Variants in NVL observed in about 807,000 individuals in gnomAD.
The protein encoded by NVL is nuclear valosin-containing protein-like.
NVL carries 84 observed loss-of-function variants against 110.2 expected under a neutral mutation model. The observed-to-expected ratio is 0.76, with a 90% CI of 0.64 to 0.91. The LOEUF (loss-of-function observed/expected upper bound fraction) is 0.91, where lower values mean the gene tolerates loss of function less well. Ranked by LOEUF, NVL falls within the 40% of genes least tolerant of loss-of-function variation. NVL has a pLI of 0.00. For missense variants in NVL, 882 were observed against 1,035.9 expected, an observed-to-expected ratio of 0.85 and a Z score of 2.04; for synonymous variants, 354 against 361.1, an observed-to-expected ratio of 0.98 and a Z score of 0.22.
Position 224,275,327 on chromosome 1 carries a change from C to T in NVL, c.2082+12G>A. Reference sequence around the variant, plus strand: ...TAAAAGAATCTGAAAACCACTAGTCCATGATACTTACCTCTCGGTCTGATC... The same window carrying T: ...TAAAAGAATCTGAAAACCACTAGTCTATGATACTTACCTCTCGGTCTGATC... On this transcript the variant is annotated intron_variant, in intron 17 of 22. Coordinates refer to ENST00000281701, the MANE Select transcript of NVL (RefSeq NM_002533.4). 2.5e-6 allele frequency: 4 copies of T among 1,614,048 alleles called. No individual in the cohort carries two copies. The highest frequency in any genetic ancestry group is 3.4e-6 in the Non-Finnish European group (4 of 1,179,978).
At chr1:224,231,858 C>G (rs1387628765) in intron 21 of NVL, among the ~76,000 whole-genome samples, 1 of 151,086 alleles carries the variant, frequency 6.6e-6, no homozygotes, top group Non-Finnish European at 1.5e-5. Context: ...AATCCCGTCT[C>G]TACTAAAAAT....
At chr1:224,290,670 C>T (rs1466222123) in intron 12 of NVL, among the ~76,000 whole-genome samples, 2 of 151,994 alleles carry the variant, frequency 1.3e-5, no homozygotes, top group East Asian at 3.9e-4. Context: ...GGCGTGGTGG[C>T]GGGCACCTGT....
intron 18 of NVL, among the ~76,000 whole-genome samples, chr1:224,256,196 G>A (rs538539269): frequency 1.1e-4 from 17 of 152,136 alleles, no homozygotes; most frequent in South Asian, 6.2e-4. Flanking sequence ...AGGCTGAGGC[G>A]GGTGGATCAC....
At chr1:224,240,783 C>CTTTTTTTTT (rs59138570) in intron 19 of NVL, among the ~76,000 whole-genome samples, 3 of 82,662 alleles carry the variant, frequency 3.6e-5, no homozygotes, top group African/African-American at 5.2e-5. Flanking sequence ...ACAAACTGTC[C>CTTTTTTTTT]TTTTTTTTTT....
chr1:224,280,093 T>C (rs1402742803), intron 16 of NVL, among the ~76,000 whole-genome samples: 2 of 151,498 alleles, frequency 1.3e-5, no homozygotes, highest in Non-Finnish European at 2.9e-5. Flanking sequence ...AAATTCAGCC[T>C]TGTGGTAAGT....
At chr1:224,241,444 A>G (rs937701652) in intron 19 of NVL, among the ~76,000 whole-genome samples, 4 of 152,136 alleles carry the variant, frequency 2.6e-5, no homozygotes, top group African/African-American at 9.7e-5. Context: ...CATTATCTCT[A>G]TTACGATAAT....
At chr1:224,230,273 G>A (rs1659723674) in intron 22 of NVL, among the ~76,000 whole-genome samples, 1 of 152,230 alleles carries the variant, frequency 6.6e-6, no homozygotes, top group East Asian at 1.9e-4. Flanking sequence ...AAAAAGCGTA[G>A]AGTAGGTCAA....
In NVL at chr1:224,289,483, C is replaced by A. The variant is rs565055852; in HGVS notation, c.1575+1G>T. ...ATTTAAGGTGCCTTTAGAGAAAGCA[C>A]CTGTGTTTCAGAAGTGGGCTCAGTT... On this transcript the variant is annotated splice_donor_variant, in intron 13 of 22. Coordinates refer to ENST00000281701, the MANE Select transcript of NVL (RefSeq NM_002533.4). LOFTEE classifies it high-confidence loss of function. 2 of 1,613,946 alleles carry A rather than the reference C, an allele frequency of 1.2e-6. No homozygotes were observed. The highest frequency in any genetic ancestry group is 1.3e-5 in the African/African-American group (1 of 75,018).
chr1:224,319,861 C>G (rs912004464), intron 2 of NVL, among the ~76,000 whole-genome samples: 1 of 152,030 alleles, frequency 6.6e-6, no homozygotes, highest in African/African-American at 2.4e-5. Context: ...AATAACACCC[C>G]ACACAGATAT....
At chr1:224,321,663 G>A (rs1312298860) in intron 2 of NVL, among the ~76,000 whole-genome samples, 1 of 151,714 alleles carries the variant, frequency 6.6e-6, no homozygotes, top group Non-Finnish European at 1.5e-5. Flanking sequence ...GGCTGAGGCA[G>A]GAGAGTCACT....
chr1:224,315,294 A>G (rs1200213791), intron 4 of NVL, among the ~76,000 whole-genome samples: 3 of 152,164 alleles, frequency 2.0e-5, no homozygotes, highest in Admixed American at 6.6e-5. Context: ...AAAAGATAAC[A>G]TATCAGGACC....
chr1:224,311,374 T>A (rs1359355035), intron 5 of NVL, among the ~76,000 whole-genome samples: 5 of 151,562 alleles, frequency 3.3e-5, no homozygotes, highest in Non-Finnish European at 5.9e-5. Context: ...TTTTTTTTTT[T>A]AAAAGGTAGG....
At chr1:224,257,569 C>T (rs541780457) in intron 18 of NVL, among the ~76,000 whole-genome samples, 20 of 152,106 alleles carry the variant, frequency 1.3e-4, no homozygotes, top group Non-Finnish European at 2.2e-4. Context: ...CACTCTGTAG[C>T]GCAGGCTGGA....
intron 22 of NVL, 94 bp downstream of exon 22, chr1:224,231,132 C>CAA (rs140419434): frequency 3.5e-3 from 2,240 of 649,172 alleles, no homozygotes; most frequent in Middle Eastern, 4.2e-3. Flanking sequence ...GACTCCGTCT[C>CAA]AAAAAAAAAA....
chr1:224,328,424 G>A (rs1671355122), intron 1 of NVL, among the ~76,000 whole-genome samples: 1 of 150,762 alleles, frequency 6.6e-6, no homozygotes, highest in African/African-American at 2.4e-5. Context: ...GGAGGCTGAG[G>A]CAGGAGAATC....
chr1:224,286,091 A>G lies in NVL; in HGVS notation c.1834T>C (p.Leu612=). 1 of 1,614,124 alleles carries G rather than the reference A, an allele frequency of 6.2e-7. No homozygotes were observed. The highest frequency in any genetic ancestry group is 8.5e-7 in the Non-Finnish European group (1 of 1,180,002). ...AGGAGGACCCCAGCTGGAGTCACCA[A>G]TCCAAGAGCTTTGAACTGGTCTGGG... The part of the protein sequence containing the change: ...RNPDQFKALG[L]VTPAGVLLAG... The change falls in exon 15 of 23, where the codon TTG becomes CTG. Residue 612 remains leucine (L), a synonymous_variant. Transcript: ENST00000281701.
chr1:224,243,881 C>T (rs987733481), intron 19 of NVL, among the ~76,000 whole-genome samples: 14 of 151,570 alleles, frequency 9.2e-5, no homozygotes, highest in Admixed American at 7.2e-4. Context: ...AAGTAGGTCT[C>T]GAACTCCTGA....
At chr1:224,233,351 C>T (rs567598380) in intron 20 of NVL, 62 bp from the exon 21 acceptor site, 6 of 1,310,840 alleles carry the variant, frequency 4.6e-6, no homozygotes, top group African/African-American at 1.5e-5. Context: ...GAAAAAAACC[C>T]GGAAAACAGT....
At chr1:224,260,699 C>CTTTTTT (rs940200696) in intron 18 of NVL, among the ~76,000 whole-genome samples, 1 of 126,334 alleles carries the variant, frequency 7.9e-6, no homozygotes, top group African/African-American at 3.2e-5. Flanking sequence ...TCTTCTTTTC[C>CTTTTTT]TTTTTTTTTT....
Sources: allele counts gnomAD v4.1 joint callset (sites outside exome capture counted in the v4.1 genomes callset), GRCh38; gene constraint gnomAD v4.1.1; transcripts MANE v1.5; gene names NCBI Gene and HGNC (gene_info 2026-07-23, HGNC 2026-07-21).